IQCJ: variants seen among roughly 807,000 people sequenced by gnomAD.
The protein encoded by IQCJ is IQ domain-containing protein J.
In IQCJ, 9 loss-of-function variants were observed where a neutral mutation model predicts 11.0. The observed-to-expected ratio is 0.82, with a 90% CI of 0.49 to 1.43. The LOEUF is 1.43. IQCJ is among the 40% of genes most tolerant of loss of function. The pLI is 0.00. For missense variants in IQCJ, 146 were observed against 133.2 expected (o/e 1.10, Z -0.47); for synonymous variants, 55 against 51.3 (o/e 1.07, Z -0.31).
chr3:159,186,558 G>A (rs1052892347), intron 1 of IQCJ, among the ~76,000 whole-genome samples: 5 of 152,138 alleles, frequency 3.3e-5, no homozygotes, highest in African/African-American at 9.7e-5. Context: ...CCAGTCAAGC[G>A]CAGGTCAATC....
intron 1 of IQCJ, among the ~76,000 whole-genome samples, chr3:159,138,640 G>A (rs1318975848): frequency 6.6e-6 from 1 of 152,190 alleles, no homozygotes; most frequent in Admixed American, 6.5e-5. Flanking sequence ...GGAGAAATTG[G>A]TCATCACTCT....
intron 1 of IQCJ, among the ~76,000 whole-genome samples, chr3:159,115,473 A>T (rs9834121): frequency 1.3e-5 from 2 of 151,954 alleles, no homozygotes; most frequent in African/African-American, 2.4e-5. Flanking sequence ...ACCCAGAAAG[A>T]GTGTAAGTTG....
intron 1 of IQCJ, among the ~76,000 whole-genome samples, chr3:159,130,537 C>G (rs1719930132): frequency 6.6e-6 from 1 of 152,140 alleles, no homozygotes; most frequent in African/African-American, 2.4e-5. Flanking sequence ...GTTTCCTCAT[C>G]TGTAAAATGA....
At chr3:159,223,486 TATTCTA>T (rs1379588381) in intron 1 of IQCJ, among the ~76,000 whole-genome samples, 7 of 152,100 alleles carry the variant, frequency 4.6e-5, no homozygotes, top group Non-Finnish European at 2.9e-5. Context: ...GAATAAGTAA[TATTCTA>T]ATTCTATCAC....
At chr3:159,115,269 G>T (rs1250624482) in intron 1 of IQCJ, among the ~76,000 whole-genome samples, 1 of 152,144 alleles carries the variant, frequency 6.6e-6, no homozygotes, top group African/African-American at 2.4e-5. Context: ...TCTAGGCAAG[G>T]CCTCATCCCT....
At chr3:159,181,243 C>G (rs1039740839) in intron 1 of IQCJ, among the ~76,000 whole-genome samples, 3 of 151,622 alleles carry the variant, frequency 2.0e-5, no homozygotes, top group African/African-American at 7.3e-5. Context: ...CTCCTGCTGC[C>G]TTTCCTGCCT....
At chr3:159,237,466 C>T (rs986382914) in intron 1 of IQCJ, among the ~76,000 whole-genome samples, 4 of 152,150 alleles carry the variant, frequency 2.6e-5, no homozygotes, top group Admixed American at 2.0e-4. Flanking sequence ...TCAATACCCA[C>T]CATTCATTCT....
intron 1 of IQCJ, among the ~76,000 whole-genome samples, chr3:159,188,853 C>T (rs1248545322): frequency 1.3e-5 from 2 of 152,072 alleles, no homozygotes; most frequent in Non-Finnish European, 2.9e-5. Flanking sequence ...ATAATAAAAG[C>T]TGACTTTTGT....
At chr3:159,193,570 C>G (rs1366307552) in intron 1 of IQCJ, among the ~76,000 whole-genome samples, 4 of 152,102 alleles carry the variant, frequency 2.6e-5, no homozygotes, top group Non-Finnish European at 5.9e-5. Context: ...ATGTGTGGTT[C>G]CATGTTGGTG....
In IQCJ at chr3:159,086,104, A is replaced by G. The variant is rs375193834; in HGVS notation, c.9+16663A>G. 8.3e-4 allele frequency among the ~76,000 whole-genome samples: 126 copies of G among 152,194 alleles called. 1 individual carries two copies. Among genetic ancestry groups the G allele is most frequent in the Non-Finnish European group, 6.5e-4 (44 of 68,002 alleles). ...GAATTGATTTTTGTATAAGGTGTAAAGAAGGGATCCAGTTTCAGCTTTCTA... is the reference window on the plus strand; with the variant it reads ...GAATTGATTTTTGTATAAGGTGTAAGGAAGGGATCCAGTTTCAGCTTTCTA... On this transcript the variant is annotated intron_variant, in intron 1 of 3. Coordinates refer to ENST00000397832, the MANE Select transcript of IQCJ (RefSeq NM_001042706.3).
intron 1 of IQCJ, among the ~76,000 whole-genome samples, chr3:159,124,832 G>C (rs1299326556): frequency 6.6e-6 from 1 of 152,154 alleles, no homozygotes; most frequent in African/African-American, 2.4e-5. Context: ...AAAGAAGATA[G>C]TATATAAGGA....
At chr3:159,122,073 G>T (rs537258078) in intron 1 of IQCJ, among the ~76,000 whole-genome samples, 39 of 152,324 alleles carry the variant, frequency 2.6e-4, no homozygotes, top group African/African-American at 8.4e-4. Context: ...TTCTGGTGAG[G>T]ACTCTCTTCT....
intron 1 of IQCJ, among the ~76,000 whole-genome samples, chr3:159,133,933 T>G (rs1445820202): frequency 6.6e-6 from 1 of 151,700 alleles, no homozygotes; most frequent in African/African-American, 2.4e-5. Flanking sequence ...CCTCCCAGTA[T>G]GCAATCAAGG....
chr3:159,118,591 G>A lies in IQCJ; in HGVS notation c.9+49150G>A, dbSNP rs1485231399. ...AGTGACTAGCTCAAGGTTACAGCTA[G>A]TTGGTGGCAGATCCAGGATTTGAAT... On this transcript the variant is annotated intron_variant, in intron 1 of 3. Transcript: ENST00000397832. Among the ~76,000 whole-genome samples the A allele has an allele frequency of 6.8e-4, 104 of 152,246 alleles. 1 individual carries two copies. Among genetic ancestry groups the A allele is most frequent in the Admixed American group, 6.8e-3 (104 of 15,284 alleles).
At chr3:159,100,258 T>C (rs1181380312) in intron 1 of IQCJ, among the ~76,000 whole-genome samples, 5 of 76 alleles carry the variant, frequency 0.066, no homozygotes, top group African/African-American at 0.1. Context: ...GTTATTCTAG[T>C]TATACATTCT....
At chr3:159,235,044 C>A (rs1382153990) in intron 1 of IQCJ, among the ~76,000 whole-genome samples, 1 of 152,068 alleles carries the variant, frequency 6.6e-6, no homozygotes, top group Non-Finnish European at 1.5e-5. Flanking sequence ...TGTATGGATT[C>A]ACGTATCCAC....
At chr3:159,252,132 G>A (rs907949182) in intron 2 of IQCJ, among the ~76,000 whole-genome samples, 5 of 151,456 alleles carry the variant, frequency 3.3e-5, no homozygotes, top group African/African-American at 7.3e-5. Flanking sequence ...CTTCCTATCC[G>A]TCCTTCAAAA....
chr3:159,115,743 A>T (rs1444950916), intron 1 of IQCJ, among the ~76,000 whole-genome samples: 1 of 152,192 alleles, frequency 6.6e-6, no homozygotes, highest in East Asian at 1.9e-4. Context: ...AAACATAGGG[A>T]GACCCATCTC....
At chr3:159,202,523 T>C (rs1202958469) in intron 1 of IQCJ, among the ~76,000 whole-genome samples, 7 of 152,210 alleles carry the variant, frequency 4.6e-5, no homozygotes, top group African/African-American at 1.7e-4. Flanking sequence ...GTGGGTTCTC[T>C]CTTGAAGCAG....
Sources: allele counts gnomAD v4.1 joint callset (sites outside exome capture counted in the v4.1 genomes callset), GRCh38; gene constraint gnomAD v4.1.1; transcripts MANE v1.5; gene names NCBI Gene and HGNC (gene_info 2026-07-23, HGNC 2026-07-21).